The following EBF4 variants were observed in gnomAD, a reference collection of about 807,000 sequenced individuals.
The protein encoded by EBF4 is EBF transcription factor 4.
In EBF4, 34 loss-of-function variants were observed where a neutral mutation model predicts 67.1. That is an observed-to-expected ratio of 0.51 (90% CI 0.39 to 0.67). The LOEUF (loss-of-function observed/expected upper bound fraction) is 0.67. Among genes scored for constraint, EBF4 ranks in the 30% least tolerant of loss-of-function variants. The probability of loss-of-function intolerance (pLI) is 0.00; values close to 1 mark genes in which losing one functional copy is unlikely to be tolerated. For missense variants in EBF4, 837 were observed against 873.3 expected (o/e 0.96, Z 0.52); for synonymous variants, 387 against 377.7 (o/e 1.02, Z -0.29).
chr20:2,757,579 T>TA (rs2088264899), intron 15 of EBF4, among the ~76,000 whole-genome samples: 1 of 152,144 alleles, frequency 6.6e-6, no homozygotes. Flanking sequence ...AGGAATGCCC[T>TA]AGATAGAGTA....
At chr20:2,702,320 C>T (rs563763555) in intron 1 of EBF4, among the ~76,000 whole-genome samples, 3 of 151,954 alleles carry the variant, frequency 2.0e-5, no homozygotes, top group Admixed American at 6.6e-5. Flanking sequence ...CCCAGCTACT[C>T]GGACGGCTGA....
In EBF4 at chr20:2,693,871, C is replaced by A. The variant is rs1418030941; in HGVS notation, c.137+89C>A. 40 of 1,248,350 alleles carry A rather than the reference C, an allele frequency of 3.2e-5. No individual in the cohort carries two copies. The Admixed American group carries it at 1.6e-3, about 51-fold the overall frequency. 77.3% of individuals were successfully genotyped at this position (1,248,350 alleles called of 1,614,324 possible). ...TTGCTGGAGCTGCTGGAGCCAGGGG[C>A]GGAAGGAGCCCTAACTCTGGACGGT... On this transcript the variant is annotated intron_variant, in intron 1 of 16. Coordinates refer to ENST00000609451, the Ensembl canonical transcript of EBF4. This position sits in a 1 kb window ranked among gnomAD's most constrained non-coding sequence, Gnocchi z 4.6.
At chr20:2,757,396 C>T (rs935373353) in intron 15 of EBF4, among the ~76,000 whole-genome samples, 6 of 151,488 alleles carry the variant, frequency 4.0e-5, no homozygotes, top group Admixed American at 3.3e-4. Context: ...AGGGAACCCC[C>T]TCTGCACAGT....
chr20:2,758,327 C>T (rs778924023), intron 15 of EBF4, among the ~76,000 whole-genome samples: 4 of 152,208 alleles, frequency 2.6e-5, no homozygotes, highest in African/African-American at 7.2e-5. Flanking sequence ...TAATGCTCTA[C>T]GGTGGCTTTG....
chr20:2,736,439 A>G (rs2087877952), intron 6 of EBF4, among the ~76,000 whole-genome samples: 1 of 152,162 alleles, frequency 6.6e-6, no homozygotes, highest in African/African-American at 2.4e-5. Flanking sequence ...GGGAACTGCA[A>G]AAGAATCAGC....
At chr20:2,724,319 A>G (rs1054930853) in intron 6 of EBF4, among the ~76,000 whole-genome samples, 1 of 152,206 alleles carries the variant, frequency 6.6e-6, no homozygotes. Context: ...TTAAAGCTGC[A>G]TATCATTGTT....
At chr20:2,727,106 G>A (rs373876828) in intron 6 of EBF4, among the ~76,000 whole-genome samples, 5 of 151,996 alleles carry the variant, frequency 3.3e-5, no homozygotes, top group East Asian at 3.8e-4. Flanking sequence ...TGACAGGATT[G>A]CCTTCCTTTT....
chr20:2,743,250 G>A (rs1381523877), intron 6 of EBF4, among the ~76,000 whole-genome samples: 1 of 152,188 alleles, frequency 6.6e-6, no homozygotes, highest in African/African-American at 2.4e-5. Context: ...CAGCCTCTGC[G>A]GTGTGTCTGT....
intron 2 of EBF4, 38 bp from the exon 3 acceptor site, chr20:2,705,936 C>T (rs779132870): frequency 9.7e-6 from 15 of 1,543,814 alleles, no homozygotes; most frequent in Non-Finnish European, 1.3e-5. Context: ...CTGGAGGATC[C>T]CTGAGCACCC....
intron 1 of EBF4, among the ~76,000 whole-genome samples, chr20:2,703,839 C>T (rs535448853): frequency 6.6e-6 from 1 of 152,326 alleles, no homozygotes; most frequent in East Asian, 1.9e-4. Context: ...ATCAGGGCCT[C>T]TCATGAGGCT....
At chr20:2,697,883 T>C (rs1464525796) in intron 1 of EBF4, among the ~76,000 whole-genome samples, 1 of 152,068 alleles carries the variant, frequency 6.6e-6, no homozygotes, top group Non-Finnish European at 1.5e-5. Context: ...AGGCCAGACC[T>C]CCCCCTGGAG....
intron 1 of EBF4, among the ~76,000 whole-genome samples, chr20:2,705,373 G>C (rs1023953566): frequency 2.6e-5 from 4 of 152,312 alleles, no homozygotes; most frequent in Middle Eastern, 3.4e-3. Context: ...GGCAGGCTGG[G>C]GTGCCCTAGG....
intron 6 of EBF4, among the ~76,000 whole-genome samples, chr20:2,711,079 TC>T (rs1250097878): frequency 6.6e-6 from 1 of 151,638 alleles, no homozygotes; most frequent in Non-Finnish European, 1.5e-5. Context: ...GCCCAGGAGG[TC>T]TAGACTGCAG....
intron 1 of EBF4, among the ~76,000 whole-genome samples, chr20:2,705,332 C>T (rs540576525): frequency 2.0e-5 from 3 of 152,322 alleles, no homozygotes; most frequent in African/African-American, 7.2e-5. Flanking sequence ...TCCTCCTTTG[C>T]AGTCACCACT....
intron 6 of EBF4, among the ~76,000 whole-genome samples, chr20:2,737,169 G>A (rs779619380): frequency 6.7e-6 from 1 of 150,290 alleles, no homozygotes. Context: ...AGAATGGCGT[G>A]AACCCGGGAG....
At chr20:2,698,637 G>C (rs970109869) in intron 1 of EBF4, among the ~76,000 whole-genome samples, 2 of 152,016 alleles carry the variant, frequency 1.3e-5, no homozygotes, top group Admixed American at 1.3e-4. Flanking sequence ...ACTTAGCAGA[G>C]AGAGACTTTG....
At chr20:2,712,888 C>T (rs553360732) in intron 6 of EBF4, among the ~76,000 whole-genome samples, 1 of 152,110 alleles carries the variant, frequency 6.6e-6, no homozygotes, top group Non-Finnish European at 1.5e-5. Flanking sequence ...GGTATGATAA[C>T]AAAGACTAGG....
intron 6 of EBF4, 109 bp downstream of exon 6, chr20:2,709,751 G>A (rs866443429): frequency 2.3e-5 from 27 of 1,149,588 alleles, no homozygotes; most frequent in Middle Eastern, 2.2e-4. Flanking sequence ...CAGCCCCCCC[G>A]GGGCACCAGG....
chr20:2,724,225 C>T (rs1027849837), intron 6 of EBF4, among the ~76,000 whole-genome samples: 1 of 152,206 alleles, frequency 6.6e-6, no homozygotes, highest in African/African-American at 2.4e-5. Context: ...CAGAGTTTTG[C>T]ACCCTGAAAA....
Sources: allele counts gnomAD v4.1 joint callset (sites outside exome capture counted in the v4.1 genomes callset), GRCh38; gene constraint gnomAD v4.1.1; non-coding constraint Gnocchi (gnomAD v3.1); transcripts MANE v1.5; gene names NCBI Gene and HGNC (gene_info 2026-07-23, HGNC 2026-07-21).